LRP2: variants seen among roughly 807,000 people sequenced by gnomAD.
LRP2 encodes the protein LDL receptor related protein 2.
Under a neutral mutation model 531.0 loss-of-function variants are expected in LRP2, and 172 were observed. The observed-to-expected ratio is 0.32, with a 90% CI of 0.29 to 0.37. The LOEUF (loss-of-function observed/expected upper bound fraction) is 0.37. Among genes scored for constraint, LRP2 ranks in the 10% least tolerant of loss-of-function variants. The pLI is 1.00. For synonymous variants in LRP2, 1,992 were observed against 2,027.6 expected (o/e 0.98, Z 0.47); for missense variants, 5,167 against 5,868.3 (o/e 0.88, Z 3.90).
At chr2:169,272,745 T>G (rs1683451176) in intron 15 of LRP2, among the ~76,000 whole-genome samples, 182 bp downstream of exon 15, 1 of 152,168 alleles carries the variant, frequency 6.6e-6, no homozygotes, top group African/African-American at 2.4e-5. Flanking sequence ...AACATAGTTC[T>G]GTGTATAGTA....
chr2:169,322,525 C>T lies in LRP2; in HGVS notation c.80-1641G>A, dbSNP rs542432771. On this transcript the variant is annotated intron_variant, in intron 1 of 78. Coordinates refer to ENST00000649046, the MANE Select transcript of LRP2 (RefSeq NM_004525.3). Reference sequence around the variant, plus strand: ...ACTACCTTTAAAACACAACAACCTCCCTTGCAAAAATGCCCCTAAGGAATG... The same window carrying T: ...ACTACCTTTAAAACACAACAACCTCTCTTGCAAAAATGCCCCTAAGGAATG... Among the ~76,000 whole-genome samples the T allele has an allele frequency of 2.4e-4, 36 of 152,242 alleles. No homozygotes were observed. In the South Asian group the frequency reaches 6.0e-3, roughly 25 times the overall value.
rs950040362 is a variant in LRP2 at position 169,294,407 on chromosome 2, C to T, written c.539-146G>A. The T allele has an allele frequency of 3.5e-5, 27 of 761,306 alleles. No homozygotes were observed. The Middle Eastern group carries it at 7.6e-4, about 21-fold the overall frequency. 47.2% of individuals were successfully genotyped at this position (761,306 alleles called of 1,614,324 possible). On this transcript the variant is annotated intron_variant, in intron 5 of 78. Coordinates refer to ENST00000649046, the MANE Select transcript of LRP2 (RefSeq NM_004525.3). ...GGTAACTGTTTAAGAACCAGTTATC[C>T]AGGAACAAAAAGGCCCTGGTTTGTA...
chr2:169,282,794 T>C (rs1683741516), intron 10 of LRP2, 79 bp downstream of exon 10: 1 of 1,471,814 alleles, frequency 6.8e-7, no homozygotes, highest in Admixed American at 1.7e-5. Context: ...CTGATAATTC[T>C]GTTGTCATCA....
chr2:169,130,233 C>A (rs141030287), intron 77 of LRP2, among the ~76,000 whole-genome samples: 22 of 151,988 alleles, frequency 1.4e-4, no homozygotes, highest in African/African-American at 5.3e-4. Context: ...ATTTTTGTCT[C>A]CTTGGGGGAT....
At chr2:169,135,749 C>T (rs1196888005) in intron 76 of LRP2, among the ~76,000 whole-genome samples, 1 of 152,150 alleles carries the variant, frequency 6.6e-6, no homozygotes, top group African/African-American at 2.4e-5. Flanking sequence ...TGTATAGACG[C>T]TCCTTTTTAT....
At chr2:169,348,381 C>T (rs1685753279) in intron 1 of LRP2, among the ~76,000 whole-genome samples, 1 of 152,118 alleles carries the variant, frequency 6.6e-6, no homozygotes, top group Non-Finnish European at 1.5e-5. Flanking sequence ...GTCAGGGGCC[C>T]TCTTCGTCTG....
chr2:169,202,776 T>C lies in LRP2; in HGVS notation c.8189A>G (p.Asp2730Gly). ...DNDNDCGDGSDEMESVCALHT... is the reference protein window; with the variant it reads ...DNDNDCGDGSGEMESVCALHT... ...CTCACCACAGACACTTTCCATCTCA[T>C]CACTGCCATCCCCACAGTCGTTGTC... Residue 2730 changes from aspartate (D) to glycine (G), a missense_variant, in exon 43 of 79, where the codon GAT becomes GGT. Physicochemically the swap from Asp to Gly is moderately conservative, Grantham distance 94. Coordinates refer to ENST00000649046, the MANE Select transcript of LRP2 (RefSeq NM_004525.3). The C allele has an allele frequency of 6.2e-7, 1 of 1,614,156 alleles. No individual in the cohort carries two copies. Among genetic ancestry groups the C allele is most frequent in the Non-Finnish European group, 8.5e-7 (1 of 1,180,018 alleles).
At chr2:169,132,777 A>T in intron 76 of LRP2, 96 bp from the exon 77 acceptor site, 1 of 743,226 alleles carries the variant, frequency 1.3e-6, no homozygotes. Flanking sequence ...TCTTTTTGCC[A>T]TCTTGTTCTC....
chr2:169,310,200 T>C (rs1485737683), intron 3 of LRP2, among the ~76,000 whole-genome samples: 1 of 152,220 alleles, frequency 6.6e-6, no homozygotes, highest in African/African-American at 2.4e-5. Context: ...CTTTTCCTAA[T>C]TGGATACCCT....
chr2:169,231,910 T>G, intron 30 of LRP2, 68 bp from the exon 31 acceptor site: 2 of 1,578,970 alleles, frequency 1.3e-6, no homozygotes, highest in Non-Finnish European at 1.7e-6. Flanking sequence ...AACAGAGTCA[T>G]GCTCTTAGTG....
At chr2:169,155,987 G>A (rs1169649550) in intron 65 of LRP2, among the ~76,000 whole-genome samples, 1 of 152,104 alleles carries the variant, frequency 6.6e-6, no homozygotes, top group Non-Finnish European at 1.5e-5. Context: ...ACTTTTTGAA[G>A]TTTTTATCAA....
At chr2:169,283,775 T>C (rs767739581) in intron 9 of LRP2, among the ~76,000 whole-genome samples, 3 of 152,214 alleles carry the variant, frequency 2.0e-5, no homozygotes, top group South Asian at 2.1e-4. Context: ...TGAAGTCCCT[T>C]ACATGACAGA....
intron 16 of LRP2, among the ~76,000 whole-genome samples, chr2:169,264,551 G>A (rs546889504): frequency 5.3e-5 from 8 of 152,072 alleles, no homozygotes; most frequent in Non-Finnish European, 7.4e-5. Context: ...CTCTTCCTCC[G>A]AAATTCTACT....
chr2:169,165,958 T>C lies in LRP2; in HGVS notation c.11732A>G (p.Asp3911Gly). 4 of 1,613,978 alleles carry C rather than the reference T, an allele frequency of 2.5e-6. No homozygotes were observed. Among genetic ancestry groups the C allele is most frequent in the Non-Finnish European group, 3.4e-6 (4 of 1,179,920 alleles). The change falls in exon 62 of 79, where the codon GAT (aspartate) becomes GGT (glycine). Residue 3911 changes from aspartate to glycine, a missense_variant. By Grantham distance (94) the Asp-to-Gly change is moderately conservative. Coordinates refer to ENST00000649046, the MANE Select transcript of LRP2 (RefSeq NM_004525.3). ...GTGCTCCTCTGTCTCATCAGTTCCA[T>C]CTCCACAGTCATCCACACCATTGCA... ...EVCNGVDDCG[D>G]GTDETEEHCR...
At position 169,204,019 on chromosome 2, in the gene LRP2, T is replaced by C. The variant is rs141035091; in HGVS notation, c.7968A>G (p.Glu2656=). 2 of 1,614,228 alleles carry C rather than the reference T, an allele frequency of 1.2e-6. No individual in the cohort carries two copies. The highest frequency in any genetic ancestry group is 1.3e-5 in the African/African-American group (1 of 75,058). ...NQKQQCNNPC[E]QFNGGCSHIC... is the part of the protein sequence containing the mutation. ...TATGGCTGCAGCCCCCATTAAACTG[T>C]TCACAAGGATTGTTACACTGTTGTT... The change falls in exon 42 of 79, where the codon GAA becomes GAG. Residue 2656 remains glutamate (E), a synonymous_variant. Coordinates refer to ENST00000649046, the MANE Select transcript of LRP2 (RefSeq NM_004525.3).
Position 169,251,779 on chromosome 2 carries a change from T to C in LRP2, c.2771-4264A>G, listed in dbSNP as rs1352722039. Among the ~76,000 whole-genome samples the C allele has an allele frequency of 1.4e-4, 13 of 90,956 alleles. 4 individuals are homozygous for C. The highest frequency in any genetic ancestry group is 1.8e-4 in the Non-Finnish European group (9 of 49,380). The allele number at this position is 90,956 out of a possible 152,430, so 59.7% of individuals were successfully genotyped here. On this transcript the variant is annotated intron_variant, in intron 19 of 78. Coordinates refer to ENST00000649046, the MANE Select transcript of LRP2 (RefSeq NM_004525.3). ...AAAGAAAGAAGAGAGAAGAATCAAA[T>C]AGACACAATAAAAAATGATAAAGGG...
At chr2:169,236,267 G>A (rs78967293) in intron 28 of LRP2, among the ~76,000 whole-genome samples, 199 bp from the exon 29 acceptor site, 2 of 151,984 alleles carry the variant, frequency 1.3e-5, no homozygotes, top group African/African-American at 4.8e-5. Context: ...ACCCATCTGG[G>A]TATTTTTATA....
intron 24 of LRP2, 124 bp from the exon 25 acceptor site, chr2:169,241,489 T>A: frequency 9.8e-7 from 1 of 1,018,858 alleles, no homozygotes; most frequent in Non-Finnish European, 1.5e-6. Context: ...ATGACCAAAT[T>A]AATATTTAAG....
At chr2:169,307,853 A>G (rs1310960555) in intron 3 of LRP2, among the ~76,000 whole-genome samples, 1 of 152,218 alleles carries the variant, frequency 6.6e-6, no homozygotes, top group African/African-American at 2.4e-5. Flanking sequence ...CCTCTATTCT[A>G]TAAACTGCCT....
Sources: allele counts gnomAD v4.1 joint callset (sites outside exome capture counted in the v4.1 genomes callset), GRCh38; gene constraint gnomAD v4.1.1; transcripts MANE v1.5; gene names NCBI Gene and HGNC (gene_info 2026-07-23, HGNC 2026-07-21).